Variants in R3HDM1 observed in about 807,000 individuals in gnomAD.
The protein encoded by R3HDM1 is R3H domain-containing protein 1.
A neutral mutation model predicts 141.1 loss-of-function variants in R3HDM1; 46 were observed. The observed-to-expected ratio is 0.33, with a 90% CI of 0.26 to 0.42. The LOEUF (loss-of-function observed/expected upper bound fraction) is 0.42, where lower values mean the gene tolerates loss of function less well. Among genes scored for constraint, R3HDM1 ranks in the 10% least tolerant of loss-of-function variants. The pLI, the probability that R3HDM1 is intolerant of heterozygous loss-of-function variation, is 1.00. For synonymous variants in R3HDM1, 435 were observed against 472.9 expected, an observed-to-expected ratio of 0.92 and a Z score of 1.04; for missense variants, 1,184 against 1,368.3, an observed-to-expected ratio of 0.87 and a Z score of 2.12.
In R3HDM1 at chr2:135,709,415, T is replaced by A. The variant is rs1011958116; in HGVS notation, c.2460-18T>A. 6.2e-7 allele frequency: 1 copy of A among 1,613,558 alleles called. No individual in the cohort carries two copies. The highest frequency in any genetic ancestry group is 8.5e-7 in the Non-Finnish European group (1 of 1,179,820). On this transcript the variant is annotated intron_variant, in intron 21 of 26. Transcript: ENST00000683871. ...GTCATCCTCCTCTCATTATGCTGTT[T>A]TTTTGTTTTTTCCATAGCTCTTCAG...
intron 21 of R3HDM1, among the ~76,000 whole-genome samples, chr2:135,692,197 A>G (rs2072510394): frequency 6.6e-6 from 1 of 151,232 alleles, no homozygotes; most frequent in South Asian, 2.1e-4. Flanking sequence ...GGCAAGAGCC[A>G]CCACGCCCAG....
intron 1 of R3HDM1, among the ~76,000 whole-genome samples, chr2:135,561,980 C>A (rs1701890444): frequency 6.6e-6 from 1 of 152,054 alleles, no homozygotes; most frequent in Non-Finnish European, 1.5e-5. Flanking sequence ...TAAAGGCCAC[C>A]AAGTTTTAAA....
chr2:135,717,274 A>G (rs1249030357), intron 24 of R3HDM1, among the ~76,000 whole-genome samples: 1 of 152,132 alleles, frequency 6.6e-6, no homozygotes, highest in Non-Finnish European at 1.5e-5. Context: ...ACTTGAGGTC[A>G]GGAGTTCGAG....
intron 1 of R3HDM1, among the ~76,000 whole-genome samples, chr2:135,554,633 G>A (rs891014153): frequency 6.6e-6 from 1 of 152,168 alleles, no homozygotes; most frequent in Non-Finnish European, 1.5e-5. Flanking sequence ...TCAAGCTGTG[G>A]ATTAGGGGTG....
At chr2:135,547,112 A>G (rs1294372768) in intron 1 of R3HDM1, among the ~76,000 whole-genome samples, 3 of 152,348 alleles carry the variant, frequency 2.0e-5, no homozygotes, top group Middle Eastern at 3.4e-3. Context: ...GACACCTATC[A>G]TATTGTTCAG....
At chr2:135,684,305 G>A (rs2070933007) in intron 21 of R3HDM1, among the ~76,000 whole-genome samples, 1 of 152,058 alleles carries the variant, frequency 6.6e-6, no homozygotes, top group Admixed American at 6.6e-5. Flanking sequence ...TAGCCAGGAT[G>A]GTCTCAATCT....
At position 135,621,625 on chromosome 2, in the gene R3HDM1, T is replaced by G. The variant is rs1574427715; in HGVS notation, c.418+17T>G. 9.2e-6 allele frequency: 11 copies of G among 1,199,018 alleles called. No homozygotes were observed. The highest frequency in any genetic ancestry group is 1.1e-5 in the Non-Finnish European group (11 of 978,856). 74.3% of individuals were successfully genotyped at this position (1,199,018 alleles called of 1,614,324 possible). A position where few individuals can be genotyped will look rare whatever the true frequency, so the allele number is the denominator to read the frequency against. ...TATCAAGAGGTTTGCAGTTCTTTTG[T>G]TTTTTTTTAAAAAAAAATTTTGCTA... On this transcript the variant is annotated intron_variant, in intron 6 of 26. Transcript: ENST00000683871.
intron 21 of R3HDM1, among the ~76,000 whole-genome samples, chr2:135,707,092 G>A (rs1323404437): frequency 6.6e-6 from 1 of 152,216 alleles, no homozygotes; most frequent in Non-Finnish European, 1.5e-5. Context: ...GACTTTTCAG[G>A]AAGTTTGGGG....
intron 18 of R3HDM1, among the ~76,000 whole-genome samples, chr2:135,657,165 G>A (rs1037125788): frequency 1.3e-5 from 2 of 151,826 alleles, no homozygotes; most frequent in Admixed American, 6.6e-5. Flanking sequence ...CACTTTGGGA[G>A]GCTGAGATGT....
intron 19 of R3HDM1, among the ~76,000 whole-genome samples, chr2:135,671,937 C>G (rs1222062531): frequency 6.6e-6 from 1 of 151,406 alleles, no homozygotes; most frequent in African/African-American, 2.4e-5. Context: ...GATGGTGCCA[C>G]TGCACTCCAA....
chr2:135,635,897 C>G lies in R3HDM1; in HGVS notation c.706C>G (p.Gln236Glu). 6.3e-7 allele frequency: 1 copy of G among 1,590,122 alleles called. No individual in the cohort carries two copies. The highest frequency in any genetic ancestry group is 8.5e-7 in the Non-Finnish European group (1 of 1,171,458). The change falls in exon 10 of 27, where the codon CAG becomes GAG. Residue 236 changes from glutamine to glutamate, a missense_variant. Around this residue, in one of 5 missense-constraint regions of R3HDM1, gnomAD observed 240 missense variants for 312.3 expected, o/e 0.77. Coordinates refer to ENST00000683871, the MANE Select transcript of R3HDM1 (RefSeq NM_001378107.1). ...NKTSNTRIPD[Q>E]KFNEHIKDDK... ...TTGTTTTTGTTTTTTAAGACCTGAT[C>G]AGAAATTTAATGAACATATTAAGGA...
intron 19 of R3HDM1, among the ~76,000 whole-genome samples, chr2:135,664,318 A>G (rs1259352016): frequency 6.6e-6 from 1 of 152,160 alleles, no homozygotes; most frequent in African/African-American, 2.4e-5. Context: ...TTTCTTGTCA[A>G]ACAACACTTG....
chr2:135,564,082 C>G (rs1395300698), intron 1 of R3HDM1, among the ~76,000 whole-genome samples: 3 of 152,120 alleles, frequency 2.0e-5, no homozygotes, highest in Admixed American at 6.5e-5. Flanking sequence ...GGATCTGCCC[C>G]CATGACCCAA....
At position 135,699,105 on chromosome 2, in the gene R3HDM1, T is replaced by TA. The variant is rs1553630404; in HGVS notation, c.2460-10327dup. On this transcript the variant is annotated intron_variant, in intron 21 of 26. Transcript: ENST00000683871. ...TAGATAGATAGATAGATAGATAGATTAGATATTCCAAACCCCAAAAAATAG... is the reference window on the plus strand; with the variant it reads ...TAGATAGATAGATAGATAGATAGATTAAGATATTCCAAACCCCAAAAAATAG... Among the ~76,000 whole-genome samples the TA allele has an allele frequency of 8.2e-3, 604 of 73,744 alleles. 13 individuals are homozygous for TA. Among genetic ancestry groups the TA allele is most frequent in the African/African-American group, 0.019 (486 of 25,820 alleles). The allele number at this position is 73,744 out of a possible 152,430, so 48.4% of individuals were successfully genotyped here. A position where few individuals can be genotyped will look rare whatever the true frequency, so the allele number is the denominator to read the frequency against.
rs1231700430 is a variant in R3HDM1 at position 135,605,013 on chromosome 2, G to A, written c.168G>A (p.Leu56=). 6.3e-6 allele frequency: 10 copies of A among 1,584,044 alleles called. No individual in the cohort carries two copies. Among genetic ancestry groups the A allele is most frequent in the Non-Finnish European group, 8.6e-6 (10 of 1,160,536 alleles). Residue 56 remains leucine (L), a synonymous_variant, in exon 3 of 27, where the codon TTG becomes TTA. Coordinates refer to ENST00000683871, the MANE Select transcript of R3HDM1 (RefSeq NM_001378107.1). ...NEHCIENNID[L]QRPLQSFGQT... ...ATTGTATTGAGAACAATATAGATTT[G>A]CAGGTAAACAGGAATTTTTCTCTGG...
intron 21 of R3HDM1, among the ~76,000 whole-genome samples, chr2:135,697,526 G>A (rs537506070): frequency 1.3e-5 from 2 of 152,272 alleles, no homozygotes; most frequent in South Asian, 2.1e-4. Context: ...AATAGAATGT[G>A]TAAGTATATT....
At chr2:135,645,311 G>A in intron 15 of R3HDM1, 68 bp from the exon 16 acceptor site, 1 of 1,316,620 alleles carries the variant, frequency 7.6e-7, no homozygotes, top group South Asian at 1.5e-5. Context: ...TTTGTAAATT[G>A]TTAGTAAAAG....
At chr2:135,557,109 C>G (rs1700929851) in intron 1 of R3HDM1, among the ~76,000 whole-genome samples, 1 of 152,070 alleles carries the variant, frequency 6.6e-6, no homozygotes, top group African/African-American at 2.4e-5. Context: ...CTTTCTTAAT[C>G]AGTGACTTTT....
intron 2 of R3HDM1, among the ~76,000 whole-genome samples, chr2:135,603,067 C>T (rs891862561): frequency 6.6e-6 from 1 of 152,072 alleles, no homozygotes; most frequent in Non-Finnish European, 1.5e-5. Flanking sequence ...CTGCAACCTC[C>T]GCCTCCCAGG....
Sources: gnomAD v4.1 joint callset for allele counts (sites outside exome capture counted in the v4.1 genomes callset) on GRCh38, gnomAD v4.1.1 for gene constraint, gnomAD v4.1.1 regional missense constraint, MANE v1.5 for transcripts, NCBI Gene and HGNC (gene_info 2026-07-23, HGNC 2026-07-21) for gene names.